Variants in NRG3 observed in about 807,000 individuals in gnomAD.
NRG3 encodes neuregulin 3, also known as pro-neuregulin-3, membrane-bound isoform.
A neutral mutation model predicts 66.9 loss-of-function variants in NRG3; 31 were observed. The ratio of observed to expected loss-of-function variants is 0.46; its 90% CI spans 0.35 to 0.63. NRG3 has a LOEUF of 0.63. NRG3 is among the 20% of genes least tolerant of loss of function. NRG3 has a pLI of 0.00. For missense variants in NRG3, 910 were observed against 878.9 expected (o/e 1.04, Z -0.45); for synonymous variants, 393 against 359.4 (o/e 1.09, Z -1.06).
At chr10:82,470,110 G>T (rs1167213797) in intron 2 of NRG3, among the ~76,000 whole-genome samples, 2 of 152,182 alleles carry the variant, frequency 1.3e-5, no homozygotes, top group African/African-American at 4.8e-5. Context: ...TTTCTGAGAT[G>T]CAGAGCTCAA....
chr10:82,951,932 T>C (rs1174737647), intron 5 of NRG3, among the ~76,000 whole-genome samples: 1 of 152,242 alleles, frequency 6.6e-6, no homozygotes, highest in Admixed American at 6.5e-5. Flanking sequence ...AAGGGGCCAC[T>C]GCTATGAACC....
At chr10:82,478,973 C>T (rs1842010733) in intron 2 of NRG3, among the ~76,000 whole-genome samples, 1 of 152,130 alleles carries the variant, frequency 6.6e-6, no homozygotes, top group Non-Finnish European at 1.5e-5. Context: ...AAGCACAGTA[C>T]AGTTTTCTTA....
At chr10:82,806,813 T>G (rs1256103595) in intron 3 of NRG3, among the ~76,000 whole-genome samples, 1 of 152,176 alleles carries the variant, frequency 6.6e-6, no homozygotes, top group Non-Finnish European at 1.5e-5. Context: ...TCCTCTGCAG[T>G]TTGGATCATA....
chr10:82,033,834 A>G (rs2062677312), intron 1 of NRG3, among the ~76,000 whole-genome samples: 1 of 152,162 alleles, frequency 6.6e-6, no homozygotes, highest in Non-Finnish European at 1.5e-5. Flanking sequence ...CTGATCCCAG[A>G]AAAATTCTGT....
At chr10:82,440,001 T>A (rs2090349169) in intron 2 of NRG3, among the ~76,000 whole-genome samples, 1 of 152,130 alleles carries the variant, frequency 6.6e-6, no homozygotes, top group South Asian at 2.1e-4. Context: ...TTCAGCTGTT[T>A]AATATTATTG....
At chr10:82,880,568 C>A (rs894552917) in intron 4 of NRG3, among the ~76,000 whole-genome samples, 23 of 152,078 alleles carry the variant, frequency 1.5e-4, no homozygotes, top group African/African-American at 5.6e-4. Context: ...TCCCTAGGAG[C>A]ATAATATAAA....
At chr10:82,826,722 CG>C (rs1446671504) in intron 3 of NRG3, among the ~76,000 whole-genome samples, 2 of 151,932 alleles carry the variant, frequency 1.3e-5, no homozygotes, top group African/African-American at 4.8e-5. Flanking sequence ...TGCACATGGA[CG>C]CAAAGATGGG....
At chr10:82,380,396 C>A (rs2085536365) in intron 2 of NRG3, among the ~76,000 whole-genome samples, 1 of 151,988 alleles carries the variant, frequency 6.6e-6, no homozygotes, top group South Asian at 2.1e-4. Context: ...ATAATCTGCC[C>A]AGAAACATGC....
chr10:82,305,991 T>C (rs773200674), intron 1 of NRG3, among the ~76,000 whole-genome samples: 26 of 152,238 alleles, frequency 1.7e-4, no homozygotes, highest in Non-Finnish European at 3.7e-4. Flanking sequence ...AGAGATATAT[T>C]TATCTGGGAA....
At chr10:82,058,504 A>G (rs1404237199) in intron 1 of NRG3, among the ~76,000 whole-genome samples, 3 of 151,224 alleles carry the variant, frequency 2.0e-5, no homozygotes, top group African/African-American at 7.3e-5. Context: ...TATGTGGTGC[A>G]GAATGCTTTT....
rs534417564 is a variant in NRG3 at position 82,288,660 on chromosome 10, T to A, written c.824-70079T>A. 8.4e-4 allele frequency among the ~76,000 whole-genome samples: 128 copies of A among 152,070 alleles called. 1 individual carries two copies. Among genetic ancestry groups the A allele is most frequent in the African/African-American group, 2.8e-3 (116 of 41,484 alleles). On this transcript the variant is annotated intron_variant, in intron 1 of 8. Coordinates refer to ENST00000372141, the MANE Select transcript of NRG3 (RefSeq NM_001010848.4). ...TGGATAAAAAAGTGAACAAAAGAAA[T>A]CCTCTAGAACTCACGATCCAGTGGA...
intron 1 of NRG3, among the ~76,000 whole-genome samples, chr10:82,019,916 G>GT (rs1410811784): frequency 2.0e-5 from 3 of 151,936 alleles, no homozygotes; most frequent in Admixed American, 6.6e-5. Context: ...TTTTTGAAGG[G>GT]TTTTTTGTGT....
chr10:82,223,642 AACACACACACACAC>A (rs398014296), intron 1 of NRG3, among the ~76,000 whole-genome samples: 17 of 137,926 alleles, frequency 1.2e-4, no homozygotes, highest in African/African-American at 1.9e-4. Flanking sequence ...AACCACCCCA[AACACACACACACAC>A]ACACACACAC....
chr10:82,081,627 C>T (rs576941389), intron 1 of NRG3, among the ~76,000 whole-genome samples: 36 of 152,278 alleles, frequency 2.4e-4, no homozygotes, highest in African/African-American at 8.4e-4. Flanking sequence ...ATTTTAATTA[C>T]ATTGTTTCCA....
chr10:82,347,551 G>C (rs911096223), intron 1 of NRG3, among the ~76,000 whole-genome samples: 3 of 151,134 alleles, frequency 2.0e-5, no homozygotes, highest in Admixed American at 2.0e-4. Context: ...CTGTTGATTT[G>C]GGGTGGAGAG....
chr10:82,648,818 G>A (rs980121528), intron 2 of NRG3, among the ~76,000 whole-genome samples: 9 of 152,126 alleles, frequency 5.9e-5, no homozygotes, highest in African/African-American at 2.2e-4. Flanking sequence ...GTCTGTTACT[G>A]GTGTATGAGA....
chr10:82,182,107 T>C (rs1055445915), intron 1 of NRG3, among the ~76,000 whole-genome samples: 3 of 151,722 alleles, frequency 2.0e-5, no homozygotes, highest in South Asian at 4.1e-4. Flanking sequence ...AACATGTTTT[T>C]TTTTCCATAC....
At chr10:82,859,412 G>A (rs551421541) in intron 3 of NRG3, among the ~76,000 whole-genome samples, 2 of 152,232 alleles carry the variant, frequency 1.3e-5, no homozygotes, top group African/African-American at 2.4e-5. Context: ...ACATTGTGTC[G>A]CTTTGTCCCA....
intron 2 of NRG3, among the ~76,000 whole-genome samples, chr10:82,416,375 A>G (rs2088574292): frequency 1.3e-5 from 2 of 152,166 alleles, no homozygotes; most frequent in South Asian, 4.1e-4. Flanking sequence ...ACATAGTTTG[A>G]ACTATGTGAC....
Sources: gnomAD v4.1 joint callset for allele counts (sites outside exome capture counted in the v4.1 genomes callset) on GRCh38, gnomAD v4.1.1 for gene constraint, MANE v1.5 for transcripts, NCBI Gene and HGNC (gene_info 2026-07-23, HGNC 2026-07-21) for gene names.